The following RSPO3 variants were observed in gnomAD, a reference collection of about 807,000 sequenced individuals.
RSPO3 encodes R-spondin-3.
Under a neutral mutation model 36.5 loss-of-function variants are expected in RSPO3, and 17 were observed. That is an observed-to-expected ratio of 0.47 (90% CI 0.32 to 0.70). The LOEUF is 0.70. Among genes scored for constraint, RSPO3 ranks in the 30% least tolerant of loss-of-function variants. The pLI, the probability that RSPO3 is intolerant of heterozygous loss-of-function variation, is 0.04. For missense variants in RSPO3, 294 were observed against 322.5 expected (o/e 0.91, Z 0.68); for synonymous variants, 108 against 107.0 (o/e 1.01, Z -0.06).
At chr6:127,144,408 G>C (rs1022436096) in intron 1 of RSPO3, among the ~76,000 whole-genome samples, 3 of 151,928 alleles carry the variant, frequency 2.0e-5, no homozygotes, top group African/African-American at 7.3e-5. Context: ...CTATTCCTTT[G>C]AGTTCAAGTT....
At chr6:127,150,632 T>G (rs1413168544) in intron 3 of RSPO3, 60 bp downstream of exon 3, 1 of 1,510,948 alleles carries the variant, frequency 6.6e-7, no homozygotes, top group Non-Finnish European at 8.9e-7. Context: ...GGAGGTGCTT[T>G]TCAAAGTCCT....
At chr6:127,195,730 A>G in intron 4 of RSPO3, 93 bp from the exon 5 acceptor site, 1 of 820,480 alleles carries the variant, frequency 1.2e-6, no homozygotes, top group South Asian at 2.0e-5. Flanking sequence ...TATGATATAT[A>G]ATCTAAGAGA....
chr6:127,187,695 A>C (rs1186917065), intron 4 of RSPO3, among the ~76,000 whole-genome samples: 1 of 152,140 alleles, frequency 6.6e-6, no homozygotes, highest in Non-Finnish European at 1.5e-5. Flanking sequence ...ATAGGATTTC[A>C]AAGTCAAGAT....
intron 1 of RSPO3, among the ~76,000 whole-genome samples, chr6:127,125,824 C>T (rs78673783): frequency 0.028 from 4,187 of 152,130 alleles, 65 homozygotes; most frequent in African/African-American, 0.048. Context: ...GGTTAGGGAG[C>T]TGGATCAGAA....
chr6:127,134,091 G>C (rs1475620696), intron 1 of RSPO3, among the ~76,000 whole-genome samples: 1 of 152,134 alleles, frequency 6.6e-6, no homozygotes, highest in Non-Finnish European at 1.5e-5. Context: ...GGGAAACAGA[G>C]ACAAAGCTGA....
chr6:127,149,207 A>C (rs1273927404), intron 2 of RSPO3, among the ~76,000 whole-genome samples: 1 of 152,096 alleles, frequency 6.6e-6, no homozygotes. Context: ...TTCAAGAGAG[A>C]TTCCAGAGCA....
chr6:127,132,504 A>T (rs1257578955), intron 1 of RSPO3, among the ~76,000 whole-genome samples: 1 of 152,032 alleles, frequency 6.6e-6, no homozygotes, highest in Non-Finnish European at 1.5e-5. Context: ...TTAATGGCTT[A>T]AAAAAAGGTG....
rs1258363719 is a variant in RSPO3 at position 127,119,308 on chromosome 6, A to G, written c.97+19A>G. 1 of 1,589,488 alleles carries G rather than the reference A, an allele frequency of 6.3e-7. No individual in the cohort carries two copies. Among genetic ancestry groups the G allele is most frequent in the South Asian group, 1.1e-5 (1 of 90,034 alleles). On this transcript the variant is annotated intron_variant, in intron 1 of 4. Transcript: ENST00000356698. Reference sequence around the variant, plus strand: ...CGAAGAAGTAAGTGCAGGGTTTTTTACGCGTTTGCTCCCTCCCGCCGCGTT... The same window carrying G: ...CGAAGAAGTAAGTGCAGGGTTTTTTGCGCGTTTGCTCCCTCCCGCCGCGTT...
At chr6:127,153,352 A>AT (rs1024249327) in intron 3 of RSPO3, among the ~76,000 whole-genome samples, 11 of 149,962 alleles carry the variant, frequency 7.3e-5, no homozygotes, top group African/African-American at 2.5e-4. Flanking sequence ...TTCAGTTTTC[A>AT]TTTTTTTTAG....
intron 4 of RSPO3, among the ~76,000 whole-genome samples, chr6:127,165,538 T>C: frequency 6.6e-6 from 1 of 152,040 alleles, no homozygotes; most frequent in East Asian, 1.9e-4. Context: ...TCTTGAAATG[T>C]ATAAGACAAG....
chr6:127,133,061 T>G (rs182154716), intron 1 of RSPO3, among the ~76,000 whole-genome samples: 1 of 152,264 alleles, frequency 6.6e-6, no homozygotes, highest in African/African-American at 2.4e-5. Context: ...TGGAGATTAC[T>G]TCCTCATTAC....
chr6:127,143,963 T>C (rs77495054), intron 1 of RSPO3, among the ~76,000 whole-genome samples: 2,279 of 152,326 alleles, frequency 0.015, 26 homozygotes, highest in Non-Finnish European at 0.025. Flanking sequence ...CTTATGATAA[T>C]AGCAAGTCTC....
At chr6:127,180,751 T>C (rs1462264755) in intron 4 of RSPO3, among the ~76,000 whole-genome samples, 1 of 151,826 alleles carries the variant, frequency 6.6e-6, no homozygotes, top group Admixed American at 6.6e-5. Flanking sequence ...CACTCAGCTG[T>C]TTTATAGTTT....
intron 1 of RSPO3, among the ~76,000 whole-genome samples, chr6:127,125,421 T>C (rs1383264821): frequency 1.3e-5 from 2 of 152,182 alleles, no homozygotes; most frequent in East Asian, 3.8e-4. Flanking sequence ...TTGCTGCTAA[T>C]GCCTGAATAA....
intron 4 of RSPO3, among the ~76,000 whole-genome samples, chr6:127,159,092 AT>A (rs1774653279): frequency 6.6e-6 from 1 of 152,168 alleles, no homozygotes; most frequent in Non-Finnish European, 1.5e-5. Flanking sequence ...GTGTATAACC[AT>A]CTCAGATAAG....
intron 4 of RSPO3, among the ~76,000 whole-genome samples, chr6:127,182,054 T>C (rs1775199234): frequency 6.6e-6 from 1 of 151,680 alleles, no homozygotes; most frequent in Non-Finnish European, 1.5e-5. Context: ...ATCATATGAC[T>C]AGAGAAGAAA....
At chr6:127,195,181 T>C (rs1775489756) in intron 4 of RSPO3, among the ~76,000 whole-genome samples, 1 of 152,190 alleles carries the variant, frequency 6.6e-6, no homozygotes, top group Non-Finnish European at 1.5e-5. Flanking sequence ...CTCCTTTTTT[T>C]TTGGAGATAG....
intron 4 of RSPO3, among the ~76,000 whole-genome samples, chr6:127,177,197 C>G (rs1462068859): frequency 6.6e-6 from 1 of 151,866 alleles, no homozygotes; most frequent in Non-Finnish European, 1.5e-5. Flanking sequence ...AACAAATCAT[C>G]AAAAACTGTA....
intron 4 of RSPO3, among the ~76,000 whole-genome samples, chr6:127,172,049 T>G (rs530711638): frequency 1.7e-4 from 25 of 151,416 alleles, no homozygotes; most frequent in Non-Finnish European, 3.3e-4. Context: ...ATCTAGTATC[T>G]TCTAACTACA....
Sources: gnomAD v4.1 joint callset for allele counts (sites outside exome capture counted in the v4.1 genomes callset) on GRCh38, gnomAD v4.1.1 for gene constraint, MANE v1.5 for transcripts, NCBI Gene and HGNC (gene_info 2026-07-23, HGNC 2026-07-21) for gene names.